OR2M3: variants seen among roughly 807,000 people sequenced by gnomAD.
OR2M3 encodes olfactory receptor family 2 subfamily M member 3.
OR2M3 carries 1 observed loss-of-function variant against 4.3 expected under a neutral mutation model. That is an observed-to-expected ratio of 0.23 (90% CI 0.08 to 1.11). OR2M3 has a LOEUF of 1.11. Among genes scored for constraint, OR2M3 ranks in the 50% most tolerant of loss-of-function variants. OR2M3 has a pLI of 0.54. For missense variants in OR2M3, 410 were observed against 390.4 expected, an observed-to-expected ratio of 1.05 and a Z score of -0.42; for synonymous variants, 151 against 139.4, an observed-to-expected ratio of 1.08 and a Z score of -0.59.
chr1:248,198,442 T>C (rs977412753), intron 1 of OR2M3, among the ~76,000 whole-genome samples: 4 of 152,188 alleles, frequency 2.6e-5, no homozygotes, highest in Non-Finnish European at 4.4e-5. Context: ...TTATATTACA[T>C]ATAAAGTTGC....
In OR2M3 at chr1:248,203,770, C is replaced by T. The variant is rs778299127; in HGVS notation, c.703C>T (p.Arg235Cys). 7.4e-6 allele frequency: 12 copies of T among 1,612,394 alleles called. No homozygotes were observed. The Admixed American group carries it at 8.3e-5, about 11-fold the overall frequency. ...TCACATGGGATCTGGAGAGGGTCGT[C>T]GCAAAGCTTTTACTACTTGTTCCTC... is the stretch of plus-strand genomic sequence containing the variant. ...VIHMGSGEGR[R>C]KAFTTCSSHL... Residue 235 changes from arginine (R) to cysteine (C), a missense_variant, in exon 2 of 2, where the codon CGC becomes TGC. Arg to Cys is a radical substitution (Grantham distance 180, BLOSUM62 -3). Transcript: ENST00000641626.
chr1:248,201,471 T>TA (rs1666155887), intron 1 of OR2M3, among the ~76,000 whole-genome samples: 1 of 152,094 alleles, frequency 6.6e-6, no homozygotes, highest in African/African-American at 2.4e-5. Flanking sequence ...ATACTTTAAG[T>TA]TTTAGGGTAC....
In OR2M3 at chr1:248,204,698, C is replaced by A. The variant is rs937975236; in HGVS notation, c.*692C>A. ...CTTTATCCACTCGTTGATTGATGGG[C>A]ATTTGGACTGGTTCCATATTTTTGC... On this transcript the variant is annotated 3_prime_UTR_variant, in exon 2 of 2. Coordinates refer to ENST00000641626, the MANE Select transcript of OR2M3 (RefSeq NM_001004689.2). The A allele has an allele frequency of 1.3e-5, 2 of 151,854 alleles. No individual in the cohort carries two copies. The highest frequency in any genetic ancestry group is 4.8e-5 in the African/African-American group (2 of 41,322). 9.4% of individuals were successfully genotyped at this position (151,854 alleles called of 1,614,324 possible).
intron 1 of OR2M3, among the ~76,000 whole-genome samples, chr1:248,198,051 A>G (rs1666116169): frequency 6.6e-6 from 1 of 152,168 alleles, no homozygotes; most frequent in Non-Finnish European, 1.5e-5. Context: ...TACATTTGTC[A>G]TGTATTCTTT....
In OR2M3 at chr1:248,209,960, AG is replaced by A. The variant is rs1232219572; in HGVS notation, c.*5957del. The A allele has an allele frequency of 1.3e-5, 2 of 152,474 alleles. No individual in the cohort carries two copies. Among genetic ancestry groups the A allele is most frequent in the African/African-American group, 4.8e-5 (2 of 41,434 alleles). 9.4% of individuals were successfully genotyped at this position (152,474 alleles called of 1,614,324 possible). The stretch of plus-strand genomic sequence containing the variant: ...TAGAGAAAGACCACCAGGTCAGGGT[AG>A]GGATGGCTGTGTCTGAGTTCAGCCT... On this transcript the variant is annotated 3_prime_UTR_variant, in exon 2 of 2. Transcript: ENST00000641626.
In OR2M3 at chr1:248,207,422, A is replaced by G. The variant is rs1666235796; in HGVS notation, c.*3416A>G. On this transcript the variant is annotated 3_prime_UTR_variant, in exon 2 of 2. Transcript: ENST00000641626. Reference sequence around the variant, plus strand: ...AGATTATCTCTTTGTGCTGTCTCAGACTTTTTGATGTAGGCATCTAATGGA... The same window carrying G: ...AGATTATCTCTTTGTGCTGTCTCAGGCTTTTTGATGTAGGCATCTAATGGA... The G allele has an allele frequency of 6.6e-6, 1 of 151,876 alleles. No homozygotes were observed. The highest frequency in any genetic ancestry group is 6.6e-5 in the Admixed American group (1 of 15,244). 9.4% of individuals were successfully genotyped at this position (151,876 alleles called of 1,614,324 possible). A position where few individuals can be genotyped will look rare whatever the true frequency, so the allele number is the denominator to read the frequency against.
At position 248,203,366 on chromosome 1, in the gene OR2M3, A is replaced by C; in HGVS notation, c.299A>C (p.Gln100Pro). Residue 100 changes from glutamine to proline, a missense_variant, in exon 2 of 2, where the codon CAA becomes CCA. By Grantham distance (76) the Gln-to-Pro change is moderately conservative (BLOSUM62 -1). Transcript: ENST00000641626. ...KSISMAGCAT[Q>P]IFFYTSLLGS... is the part of the protein sequence containing the mutation. ...ATTTCTATGGCTGGTTGTGCCACAC[A>C]AATTTTCTTCTATACATCACTGCTT... The C allele has an allele frequency of 9.9e-6, 16 of 1,614,122 alleles. No homozygotes were observed. The highest frequency in any genetic ancestry group is 1.3e-5 in the Non-Finnish European group (15 of 1,180,016).
chr1:248,204,216 T>A lies in OR2M3; in HGVS notation c.*210T>A. 2.3e-6 allele frequency: 1 copy of A among 430,678 alleles called. No homozygotes were observed. The highest frequency in any genetic ancestry group is 4.0e-6 in the Non-Finnish European group (1 of 249,062). The allele number at this position is 430,678 out of a possible 1,614,324, so 26.7% of individuals were successfully genotyped here. A position where few individuals can be genotyped will look rare whatever the true frequency, so the allele number is the denominator to read the frequency against. ...TGCTATGACCACAATGTAAGTCATT[T>A]CCAATAAGAATATTAAAGTTTTAAA... On this transcript the variant is annotated 3_prime_UTR_variant, in exon 2 of 2. Coordinates refer to ENST00000641626, the MANE Select transcript of OR2M3 (RefSeq NM_001004689.2).
At position 248,206,310 on chromosome 1, in the gene OR2M3, G is replaced by T. The variant is rs549910574; in HGVS notation, c.*2304G>T. On this transcript the variant is annotated 3_prime_UTR_variant, in exon 2 of 2. Transcript: ENST00000641626. ...CTTTATTTCTTTCTCTTGTCTGATT[G>T]CTCTAGCTAGGACTTTCAGTATTAT... 4.0e-5 allele frequency: 6 copies of T among 150,122 alleles called. No individual in the cohort carries two copies. Among genetic ancestry groups the T allele is most frequent in the Admixed American group, 3.3e-4 (5 of 15,164 alleles). 9.3% of individuals were successfully genotyped at this position (150,122 alleles called of 1,614,324 possible). A position where few individuals can be genotyped will look rare whatever the true frequency, so the allele number is the denominator to read the frequency against.
Position 248,208,505 on chromosome 1 carries a change from T to C in OR2M3, c.*4499T>C, listed in dbSNP as rs1053397841. ...GAGCTCCTTTCAGCAGTTCTTGTTG[T>C]GCAGGCTTGATAGTGTTGAATTCTC... On this transcript the variant is annotated 3_prime_UTR_variant, in exon 2 of 2. Coordinates refer to ENST00000641626, the MANE Select transcript of OR2M3 (RefSeq NM_001004689.2). 6.6e-6 allele frequency: 1 copy of C among 152,170 alleles called. No homozygotes were observed. Among genetic ancestry groups the C allele is most frequent in the African/African-American group, 2.4e-5 (1 of 41,452 alleles). The allele number at this position is 152,170 out of a possible 1,614,324, so 9.4% of individuals were successfully genotyped here.
Position 248,203,267 on chromosome 1 carries a change from C to T in OR2M3, c.200C>T (p.Ser67Phe), listed in dbSNP as rs775295805. 4 of 1,614,046 alleles carry T rather than the reference C, an allele frequency of 2.5e-6. No individual in the cohort carries two copies. Among genetic ancestry groups the T allele is most frequent in the Non-Finnish European group, 3.4e-6 (4 of 1,180,002 alleles). Residue 67 changes from serine (S) to phenylalanine (F), a missense_variant, in exon 2 of 2, where the codon TCC (serine) becomes TTC (phenylalanine). Coordinates refer to ENST00000641626, the MANE Select transcript of OR2M3 (RefSeq NM_001004689.2). ...TPMYLLLSQL[S>F]LMDLMLICTT... ...ATGTACCTCCTCCTCAGCCAACTGTCCCTCATGGACCTCATGCTCATCTGC... is the reference window on the plus strand; with the variant it reads ...ATGTACCTCCTCCTCAGCCAACTGTTCCTCATGGACCTCATGCTCATCTGC...
Position 248,211,819 on chromosome 1 carries a change from T to C in OR2M3, c.*7813T>C, listed in dbSNP as rs1666285876. The C allele has an allele frequency of 6.6e-6, 1 of 152,192 alleles. No individual in the cohort carries two copies. Among genetic ancestry groups the C allele is most frequent in the African/African-American group, 2.4e-5 (1 of 41,442 alleles). 9.4% of individuals were successfully genotyped at this position (152,192 alleles called of 1,614,324 possible). ...GTATTTTTCAGTAGAGATGGGGTTT[T>C]GCCATAAAATAAAATTGTAATAACT... is the stretch of plus-strand genomic sequence containing the variant. On this transcript the variant is annotated 3_prime_UTR_variant, in exon 2 of 2. Coordinates refer to ENST00000641626, the MANE Select transcript of OR2M3 (RefSeq NM_001004689.2).
Position 248,207,393 on chromosome 1 carries a change from C to A in OR2M3, c.*3387C>A, listed in dbSNP as rs1666235563. On this transcript the variant is annotated 3_prime_UTR_variant, in exon 2 of 2. Transcript: ENST00000641626. ...GTTTCTCCTGTTCTGTGAGGTGCGACCTAAGATTATCTCTTTGTGCTGTCT... is the reference window on the plus strand; with the variant it reads ...GTTTCTCCTGTTCTGTGAGGTGCGAACTAAGATTATCTCTTTGTGCTGTCT... 2 of 151,934 alleles carry A rather than the reference C, an allele frequency of 1.3e-5. No homozygotes were observed. Among genetic ancestry groups the A allele is most frequent in the Non-Finnish European group, 2.9e-5 (2 of 67,862 alleles). The allele number at this position is 151,934 out of a possible 1,614,324, so 9.4% of individuals were successfully genotyped here.
Position 248,207,488 on chromosome 1 carries a change from A to C in OR2M3, c.*3482A>C, listed in dbSNP as rs529648778. Reference sequence around the variant, plus strand: ...AGCACTGCTTTTGCTGTATCCCAGAAGTTTTGCTAGGTTTTGTCACTATTA... The same window carrying C: ...AGCACTGCTTTTGCTGTATCCCAGACGTTTTGCTAGGTTTTGTCACTATTA... On this transcript the variant is annotated 3_prime_UTR_variant, in exon 2 of 2. Transcript: ENST00000641626. 6.6e-6 allele frequency: 1 copy of C among 152,072 alleles called. No individual in the cohort carries two copies. The highest frequency in any genetic ancestry group is 1.5e-5 in the Non-Finnish European group (1 of 67,902). The allele number at this position is 152,072 out of a possible 1,614,324, so 9.4% of individuals were successfully genotyped here. A position where few individuals can be genotyped will look rare whatever the true frequency, so the allele number is the denominator to read the frequency against.
At position 248,212,694 on chromosome 1, in the gene OR2M3, A is replaced by G. The variant is rs1315372891; in HGVS notation, c.*8688A>G. ...AAATTACTGATAAGGAAAATGAATA[A>G]AGACACTATTTAAATTTATGCTGGC... On this transcript the variant is annotated 3_prime_UTR_variant, in exon 2 of 2. Transcript: ENST00000641626. The G allele has an allele frequency of 6.6e-6, 1 of 152,038 alleles. No individual in the cohort carries two copies. The highest frequency in any genetic ancestry group is 1.5e-5 in the Non-Finnish European group (1 of 67,962). The allele number at this position is 152,038 out of a possible 1,614,324, so 9.4% of individuals were successfully genotyped here.
rs1666181972 is a variant in OR2M3 at position 248,203,329 on chromosome 1, G to C, written c.262G>C (p.Gly88Arg). The change falls in exon 2 of 2, where the codon GGC (glycine) becomes CGC (arginine). Residue 88 changes from glycine (G) to arginine (R), a missense_variant. Physicochemically the swap from Gly to Arg is moderately radical, Grantham distance 125 (BLOSUM62 -2). Coordinates refer to ENST00000641626, the MANE Select transcript of OR2M3 (RefSeq NM_001004689.2). ...CAAGATGGCCTTCAACTACCTGTCT[G>C]GCAGCAAGTCCATTTCTATGGCTGG... is the stretch of plus-strand genomic sequence containing the variant. ...VPKMAFNYLS[G>R]SKSISMAGCA... 6.2e-7 allele frequency: 1 copy of C among 1,613,890 alleles called. No individual in the cohort carries two copies. Among genetic ancestry groups the C allele is most frequent in the Admixed American group, 1.7e-5 (1 of 59,978 alleles).
rs997271107 is a variant in OR2M3, at chr1:248,205,431, G to T, written c.*1425G>T. ...GGAATCTTTATGTTTTCAGTACTTA[G>T]ATTTAAGGTTTTTATCCATCTTGAG... On this transcript the variant is annotated 3_prime_UTR_variant, in exon 2 of 2. Transcript: ENST00000641626. 2 of 151,936 alleles carry T rather than the reference G, an allele frequency of 1.3e-5. No individual in the cohort carries two copies. The highest frequency in any genetic ancestry group is 1.5e-5 in the Non-Finnish European group (1 of 67,934). The allele number at this position is 151,936 out of a possible 1,614,324, so 9.4% of individuals were successfully genotyped here.
rs146241023 is a variant in OR2M3 at position 248,204,809 on chromosome 1, G to T, written c.*803G>T. The T allele has an allele frequency of 4.0e-5, 6 of 151,804 alleles. No homozygotes were observed. Among genetic ancestry groups the T allele is most frequent in the Admixed American group, 6.6e-5 (1 of 15,218 alleles). 9.4% of individuals were successfully genotyped at this position (151,804 alleles called of 1,614,324 possible). On this transcript the variant is annotated 3_prime_UTR_variant, in exon 2 of 2. Transcript: ENST00000641626. ...CTTTTCCTCTGTGTAGTTAGTAGTG[G>T]TATTGCTAGATCAAAAGGTAGATCC...
chr1:248,202,486 G>T (rs1666168921), intron 1 of OR2M3, among the ~76,000 whole-genome samples: 1 of 152,104 alleles, frequency 6.6e-6, no homozygotes, highest in South Asian at 2.1e-4. Flanking sequence ...AAATGGCCTA[G>T]GTTTTAGATT....
Sources: gnomAD v4.1 joint callset for allele counts (sites outside exome capture counted in the v4.1 genomes callset) on GRCh38, gnomAD v4.1.1 for gene constraint, MANE v1.5 for transcripts, NCBI Gene and HGNC (gene_info 2026-07-23, HGNC 2026-07-21) for gene names.